Variants in DHX34 observed in about 807,000 individuals in gnomAD.
DHX34 encodes DExH-box helicase 34, also known as probable ATP-dependent RNA helicase DHX34.
In DHX34, 96 loss-of-function variants were observed where a neutral mutation model predicts 111.1. The observed-to-expected ratio is 0.86, with a 90% confidence interval of 0.73 to 1.02. The LOEUF is 1.02. DHX34 is among the 50% of genes least tolerant of loss of function. The pLI is 0.00. For missense variants in DHX34, 1,560 were observed against 1,579.9 expected (o/e 0.99, Z 0.21); for synonymous variants, 688 against 670.4 (o/e 1.03, Z -0.41).
At chr19:47,358,336 C>T (rs192760121) in intron 4 of DHX34, among the ~76,000 whole-genome samples, 148 of 152,290 alleles carry the variant, frequency 9.7e-4, no homozygotes, top group African/African-American at 3.2e-3. Flanking sequence ...TATAAAGGGT[C>T]GGAGTAGATG....
chr19:47,358,942 TAGCAA>T lies in DHX34; in HGVS notation c.1272+825_1272+829del, dbSNP rs538698447. On this transcript the variant is annotated intron_variant, in intron 4 of 16. Coordinates refer to ENST00000328771, the MANE Select transcript of DHX34 (RefSeq NM_014681.6). Reference sequence around the variant, plus strand: ...CCGTTAATTTTTTTTTGAATTTTAGTAGCAAAGAGGTCTCACTGTGTTGCGCAGGC... The same window carrying T: ...CCGTTAATTTTTTTTTGAATTTTAGTAGAGGTCTCACTGTGTTGCGCAGGC... Among the ~76,000 whole-genome samples, 12 of 152,174 alleles carry T rather than the reference TAGCAA, an allele frequency of 7.9e-5. No homozygotes were observed. In the East Asian group the frequency reaches 2.3e-3, roughly 30 times the overall value.
At chr19:47,369,574 GATAA>G (rs1291020912) in intron 7 of DHX34, among the ~76,000 whole-genome samples, 1 of 152,206 alleles carries the variant, frequency 6.6e-6, no homozygotes, top group African/African-American at 2.4e-5. Context: ...GACAGGGGCA[GATAA>G]ATGAGTGAAA....
At chr19:47,363,156 A>G (rs998559413) in intron 6 of DHX34, among the ~76,000 whole-genome samples, 1 of 151,902 alleles carries the variant, frequency 6.6e-6, no homozygotes, top group Non-Finnish European at 1.5e-5. Context: ...GGGTTACACC[A>G]TGTTAGCCAG....
At chr19:47,375,412 C>A in intron 9 of DHX34, 54 bp from the exon 10 acceptor site, 3 of 1,514,368 alleles carry the variant, frequency 2.0e-6, no homozygotes, top group South Asian at 2.6e-5. Flanking sequence ...TTCCATGAGT[C>A]CAGAGCCCAC....
intron 13 of DHX34, among the ~76,000 whole-genome samples, chr19:47,378,482 G>C (rs954260762): frequency 1.3e-5 from 2 of 152,154 alleles, no homozygotes; most frequent in Non-Finnish European, 2.9e-5. Context: ...GCGACCAGCC[G>C]GGCCGCAGGA....
In DHX34 at chr19:47,379,884, C is replaced by G; in HGVS notation, c.2881C>G (p.Gln961Glu). ...ESALDRQLAHQAQQQLEEEEE... is the reference protein window; with the variant it reads ...ESALDRQLAHEAQQQLEEEEE... ...TGCCCTGGACCGGCAGCTGGCGCACCAGGCCCAGCAGCAGCTGGAGGAGGA... is the reference window on the plus strand; with the variant it reads ...TGCCCTGGACCGGCAGCTGGCGCACGAGGCCCAGCAGCAGCTGGAGGAGGA... Residue 961 changes from glutamine to glutamate, a missense_variant, in exon 14 of 17, where the codon CAG becomes GAG. Physicochemically the swap from Gln to Glu is conservative, Grantham distance 29. Coordinates refer to ENST00000328771, the MANE Select transcript of DHX34 (RefSeq NM_014681.6). 6.2e-7 allele frequency: 1 copy of G among 1,613,414 alleles called. No individual in the cohort carries two copies. Among genetic ancestry groups the G allele is most frequent in the Non-Finnish European group, 8.5e-7 (1 of 1,179,654 alleles).
chr19:47,376,232 G>A, intron 11 of DHX34, 135 bp downstream of exon 11: 2 of 1,433,856 alleles, frequency 1.4e-6, no homozygotes, highest in Non-Finnish European at 1.8e-6. Flanking sequence ...CCCAGTGGGA[G>A]GACAGACCCA....
In DHX34 at chr19:47,352,809, G is replaced by C; in HGVS notation, c.-222G>C. ...TGTGTCCATCCCAGAGATCACTGCA[G>C]ATGTCATGAGGTACCCTTTGTGTCA... On this transcript the variant is annotated 5_prime_UTR_variant, in exon 2 of 17. Transcript: ENST00000328771. 1 of 822,810 alleles carries C rather than the reference G, an allele frequency of 1.2e-6. No individual in the cohort carries two copies. Among genetic ancestry groups the C allele is most frequent in the East Asian group, 2.8e-5 (1 of 36,078 alleles). 51.0% of individuals were successfully genotyped at this position (822,810 alleles called of 1,614,324 possible).
rs372106994 is a variant in DHX34 at position 47,373,638 on chromosome 19, C to T, written c.2002C>T (p.Arg668Cys). The change falls in exon 9 of 17, where the codon CGC becomes TGC. Residue 668 changes from arginine (R) to cysteine (C), a missense_variant. Coordinates refer to ENST00000328771, the MANE Select transcript of DHX34 (RefSeq NM_014681.6). ...GAGCAGAAACTCTCGCAAGTGGTGCCGCCGCCGGGGCATAGAGGAGCATCG... is the reference window on the plus strand; with the variant it reads ...GAGCAGAAACTCTCGCAAGTGGTGCTGCCGCCGGGGCATAGAGGAGCATCG... ...ERSRNSRKWC[R>C]RRGIEEHRLY... 21 of 1,613,838 alleles carry T rather than the reference C, an allele frequency of 1.3e-5. No homozygotes were observed. The highest frequency in any genetic ancestry group is 2.7e-5 in the African/African-American group (2 of 74,954).
At chr19:47,366,922 C>T in intron 6 of DHX34, 59 bp from the exon 7 acceptor site, 1 of 1,448,050 alleles carries the variant, frequency 6.9e-7, no homozygotes, top group African/African-American at 1.5e-5. Context: ...CTGAGCCCCG[C>T]TGTGCTGCAC....
In DHX34 at chr19:47,359,987, CT is replaced by C. The variant is rs1969576625; in HGVS notation, c.1293del (p.Gly432GlufsTer24). 22 of 1,614,104 alleles carry C rather than the reference CT, an allele frequency of 1.4e-5. No homozygotes were observed. Among genetic ancestry groups the C allele is most frequent in the Non-Finnish European group, 1.6e-5 (19 of 1,179,986 alleles). ...DQDKVFDVAP[P>X]GVRKCILSTN... Reference sequence around the variant, plus strand: ...TCCCAGGTATTTGATGTGGCACCCCCTGGAGTCCGGAAATGCATCCTCTCCA... The same window carrying C: ...TCCCAGGTATTTGATGTGGCACCCCCGGAGTCCGGAAATGCATCCTCTCCA... On this transcript the variant is annotated frameshift_variant, in exon 5 of 17. Transcript: ENST00000328771. LOFTEE classifies it high-confidence loss of function.
intron 13 of DHX34, 60 bp from the exon 14 acceptor site, chr19:47,379,650 G>C: frequency 3.3e-6 from 5 of 1,534,392 alleles, no homozygotes; most frequent in Non-Finnish European, 4.4e-6. Flanking sequence ...GGCAGGGCCT[G>C]TCTCCAATAG....
chr19:47,377,123 A>G lies in DHX34; in HGVS notation c.2623A>G (p.Lys875Glu), dbSNP rs201386191. The G allele has an allele frequency of 1.9e-4, 302 of 1,613,924 alleles. No individual in the cohort carries two copies. Among genetic ancestry groups the G allele is most frequent in the Non-Finnish European group, 3.6e-5 (43 of 1,180,002 alleles). ...AGACGACAAGGACAAGATGAGCAGC[A>G]AACACCAGCTCCTCAGCTTCGTGTC... ...SRDDKDKMSS[K>E]HQLLSFVSLL... The change falls in exon 13 of 17, where the codon AAA becomes GAA. Residue 875 changes from lysine to glutamate, a missense_variant. Coordinates refer to ENST00000328771, the MANE Select transcript of DHX34 (RefSeq NM_014681.6).
Position 47,353,869 on chromosome 19 carries a change from CCA to C in DHX34, c.705+137_705+138del. On this transcript the variant is annotated intron_variant, in intron 2 of 16. Transcript: ENST00000328771. The surrounding 1 kb of genome is among the most constrained non-coding windows in gnomAD (Gnocchi z 4.6). ...AGCGATGATTCTTCTAGAACTTTAT[CCA>C]CAGAGTGGCTTGTCTGTGGTCTACA... is the stretch of plus-strand genomic sequence containing the variant. 1.1e-6 allele frequency: 1 copy of C among 883,980 alleles called. No homozygotes were observed. The highest frequency in any genetic ancestry group is 1.7e-6 in the Non-Finnish European group (1 of 600,978). 54.8% of individuals were successfully genotyped at this position (883,980 alleles called of 1,614,324 possible).
chr19:47,356,459 A>T (rs1031191070), intron 3 of DHX34, among the ~76,000 whole-genome samples: 7 of 151,748 alleles, frequency 4.6e-5, no homozygotes, highest in Non-Finnish European at 8.8e-5. Flanking sequence ...GTGAAATCCC[A>T]TCTCCACTAA....
chr19:47,380,057 G>A, intron 14 of DHX34, 72 bp downstream of exon 14: 2 of 1,493,488 alleles, frequency 1.3e-6, no homozygotes, highest in East Asian at 4.8e-5. Flanking sequence ...TGAGCCTCGG[G>A]AAGGCCTGGC....
intron 13 of DHX34, among the ~76,000 whole-genome samples, chr19:47,378,697 G>A (rs577136093): frequency 1.3e-5 from 2 of 152,216 alleles, no homozygotes; most frequent in African/African-American, 4.8e-5. Flanking sequence ...TTAGCTGGGC[G>A]TGGTGTTGTG....
intron 5 of DHX34, 80 bp from the exon 6 acceptor site, chr19:47,362,396 C>G: frequency 7.1e-7 from 1 of 1,408,368 alleles, no homozygotes; most frequent in Non-Finnish European, 9.3e-7. Context: ...AGGGTGTTGG[C>G]GAGTGACAAG....
chr19:47,370,914 T>C (rs560435829), intron 7 of DHX34, among the ~76,000 whole-genome samples: 86 of 152,332 alleles, frequency 5.6e-4, no homozygotes, highest in African/African-American at 2.0e-3. Flanking sequence ...CCTCAAGTGA[T>C]CCGCCAGCCT....
Sources: gnomAD v4.1 joint callset for allele counts (sites outside exome capture counted in the v4.1 genomes callset) on GRCh38, gnomAD v4.1.1 for gene constraint, Gnocchi (gnomAD v3.1) non-coding constraint, MANE v1.5 for transcripts, NCBI Gene and HGNC (gene_info 2026-07-23, HGNC 2026-07-21) for gene names.